The following MAPK4 variants were observed in gnomAD, a reference collection of about 807,000 sequenced individuals.
The protein encoded by MAPK4 is Erk3-related.
Under a neutral mutation model 47.7 loss-of-function variants are expected in MAPK4, and 22 were observed. The observed-to-expected ratio is 0.46, with a 90% CI of 0.33 to 0.66. MAPK4 has a LOEUF of 0.66. Ranked by LOEUF, MAPK4 falls within the 30% of genes least tolerant of loss-of-function variation. The probability of loss-of-function intolerance (pLI) is 0.02; values close to 1 mark genes in which losing one functional copy is unlikely to be tolerated. For synonymous variants in MAPK4, 390 were observed against 365.7 expected, an observed-to-expected ratio of 1.07 and a Z score of -0.76; for missense variants, 736 against 831.7, an observed-to-expected ratio of 0.88 and a Z score of 1.42.
At chr18:50,586,842 A>T (rs976452045) in intron 1 of MAPK4, among the ~76,000 whole-genome samples, 1 of 152,194 alleles carries the variant, frequency 6.6e-6, no homozygotes, top group Admixed American at 6.5e-5. Flanking sequence ...TATTAAAGAC[A>T]TTCTTCAATT....
intron 1 of MAPK4, among the ~76,000 whole-genome samples, chr18:50,655,556 T>C (rs2043100345): frequency 6.6e-6 from 1 of 152,124 alleles, no homozygotes; most frequent in Admixed American, 6.5e-5. Context: ...CCTGCACTCC[T>C]CTGGGGTGGA....
At chr18:50,710,515 C>G (rs1308662498) in intron 2 of MAPK4, among the ~76,000 whole-genome samples, 9 of 151,208 alleles carry the variant, frequency 6.0e-5, no homozygotes, top group African/African-American at 1.9e-4. Context: ...CGGAGGCTCA[C>G]GCCTGTAATC....
chr18:50,686,817 G>T (rs1412873904), intron 2 of MAPK4, among the ~76,000 whole-genome samples: 1 of 152,192 alleles, frequency 6.6e-6, no homozygotes, highest in Non-Finnish European at 1.5e-5. Context: ...TTAGACAGAG[G>T]TCACAGATTC....
At chr18:50,673,733 G>A (rs1028308279) in intron 2 of MAPK4, among the ~76,000 whole-genome samples, 1 of 152,122 alleles carries the variant, frequency 6.6e-6, no homozygotes, top group Non-Finnish European at 1.5e-5. Flanking sequence ...GCGGGCGCCT[G>A]TAGTCCCAGC....
At chr18:50,712,268 CAT>C (rs1401369927) in intron 2 of MAPK4, among the ~76,000 whole-genome samples, 1 of 152,032 alleles carries the variant, frequency 6.6e-6, no homozygotes, top group African/African-American at 2.4e-5. Flanking sequence ...CTCTACAAAA[CAT>C]ACAAAAATTA....
At chr18:50,577,450 A>G (rs920283232) in intron 1 of MAPK4, among the ~76,000 whole-genome samples, 5 of 152,106 alleles carry the variant, frequency 3.3e-5, no homozygotes, top group African/African-American at 1.2e-4. Flanking sequence ...TCTGGGTCTC[A>G]CTCCAGAGAC....
At chr18:50,676,350 A>T (rs1568076053) in intron 2 of MAPK4, among the ~76,000 whole-genome samples, 1 of 152,246 alleles carries the variant, frequency 6.6e-6, no homozygotes, top group Non-Finnish European at 1.5e-5. Flanking sequence ...AGGCCTAGCC[A>T]CTAGACACGC....
intron 2 of MAPK4, among the ~76,000 whole-genome samples, chr18:50,690,986 G>A (rs896071247): frequency 6.6e-6 from 1 of 151,994 alleles, no homozygotes; most frequent in Admixed American, 6.6e-5. Flanking sequence ...TTCATGCTCA[G>A]TTGAAATTTG....
chr18:50,630,334 G>A (rs780058060), intron 1 of MAPK4, among the ~76,000 whole-genome samples: 22 of 152,114 alleles, frequency 1.4e-4, no homozygotes, highest in Non-Finnish European at 2.8e-4. Flanking sequence ...GATTACAGGC[G>A]TGCACCACCA....
rs776043727 is a variant in MAPK4 at position 50,663,742 on chromosome 18, G to A, written c.-217G>A. On this transcript the variant is annotated 5_prime_UTR_variant, in exon 2 of 6. Coordinates refer to ENST00000400384, the MANE Select transcript of MAPK4 (RefSeq NM_002747.4). ...CAGCCCTCCCAATGCAGGTTAAGAC[G>A]ACAGCCTGCGCCCCCAACTAGCACA... 5 of 480,100 alleles carry A rather than the reference G, an allele frequency of 1.0e-5. No individual in the cohort carries two copies. The highest frequency in any genetic ancestry group is 5.5e-4 in the Middle Eastern group (1 of 1,816). The allele number at this position is 480,100 out of a possible 1,614,324, so 29.7% of individuals were successfully genotyped here.
At chr18:50,624,124 G>A (rs894186889) in intron 1 of MAPK4, among the ~76,000 whole-genome samples, 1 of 152,102 alleles carries the variant, frequency 6.6e-6, no homozygotes, top group Non-Finnish European at 1.5e-5. Context: ...CTTGGTATTT[G>A]TCTTCTCTCA....
intron 1 of MAPK4, among the ~76,000 whole-genome samples, chr18:50,600,407 G>T (rs766083357): frequency 3.3e-5 from 5 of 152,304 alleles, no homozygotes; most frequent in Non-Finnish European, 5.9e-5. Context: ...TTCATGATTA[G>T]CCTCAGAAGG....
At chr18:50,587,509 A>G (rs2042399158) in intron 1 of MAPK4, among the ~76,000 whole-genome samples, 1 of 152,180 alleles carries the variant, frequency 6.6e-6, no homozygotes, top group African/African-American at 2.4e-5. Flanking sequence ...GGTGACTCAA[A>G]AGGGCAAGAG....
chr18:50,654,403 C>T (rs1043432771), intron 1 of MAPK4, among the ~76,000 whole-genome samples: 3 of 152,232 alleles, frequency 2.0e-5, no homozygotes, highest in Non-Finnish European at 4.4e-5. Context: ...CTCTGCCTCT[C>T]CTCTGAGAAG....
rs540838908 is a variant in MAPK4 at position 50,594,519 on chromosome 18, G to A, written c.-871+34276G>A. Among the ~76,000 whole-genome samples the A allele has an allele frequency of 3.9e-5, 6 of 152,170 alleles. No homozygotes were observed. The East Asian group carries it at 1.2e-3, about 29-fold the overall frequency. On this transcript the variant is annotated intron_variant, in intron 1 of 5. Coordinates refer to ENST00000400384, the MANE Select transcript of MAPK4 (RefSeq NM_002747.4). ...CGACAGGAAAGGCCTTTATCAGGTG[G>A]TGCTAGAAAAAAATGGATATTAATC...
chr18:50,618,557 A>C (rs1369697576), intron 1 of MAPK4, among the ~76,000 whole-genome samples: 1 of 152,184 alleles, frequency 6.6e-6, no homozygotes, highest in East Asian at 1.9e-4. Flanking sequence ...TCCAGTGACT[A>C]TTCCTGTATT....
Position 50,664,299 on chromosome 18 carries a change from G to T in MAPK4, c.341G>T (p.Arg114Leu), listed in dbSNP as rs541494122. Reference protein sequence around the residue: ...VQEYMETDLARLLEQGTLAEE... With the variant: ...VQEYMETDLALLLEQGTLAEE... ...GAGTACATGGAGACCGACCTGGCAC[G>T]CCTGCTGGAGCAGGGCACGCTGGCA... The change falls in exon 2 of 6, where the codon CGC becomes CTC. Residue 114 changes from arginine to leucine, a missense_variant. By Grantham distance (102) the Arg-to-Leu change is moderately radical. Around this residue, in one of 3 missense-constraint regions of MAPK4, gnomAD observed 327 missense variants for 395.4 expected, o/e 0.83. Coordinates refer to ENST00000400384, the MANE Select transcript of MAPK4 (RefSeq NM_002747.4). The surrounding 1 kb of genome is among the most constrained non-coding windows in gnomAD (Gnocchi z 6.0). 6.2e-7 allele frequency: 1 copy of T among 1,613,372 alleles called. No individual in the cohort carries two copies. Among genetic ancestry groups the T allele is most frequent in the South Asian group, 1.1e-5 (1 of 91,066 alleles).
At chr18:50,716,342 C>A (rs182878258) in intron 3 of MAPK4, among the ~76,000 whole-genome samples, 8 of 152,086 alleles carry the variant, frequency 5.3e-5, no homozygotes, top group Admixed American at 1.3e-4. Flanking sequence ...TTCCCTGGGT[C>A]TCCTCCTCCC....
rs151016312 is a variant in MAPK4, at chr18:50,714,786, G to A, written c.547-293G>A. Among the ~76,000 whole-genome samples the A allele has an allele frequency of 1.7e-4, 26 of 152,282 alleles. No homozygotes were observed. In the East Asian group the frequency reaches 4.8e-3, roughly 28 times the overall value. On this transcript the variant is annotated intron_variant, in intron 2 of 5. Transcript: ENST00000400384. ...ACAAGGGCAGAGTTACATCAAGGTG[G>A]GGTGGGAAATCATTTCTTCTAAAAT...
Sources: allele counts gnomAD v4.1 joint callset (sites outside exome capture counted in the v4.1 genomes callset), GRCh38; gene constraint gnomAD v4.1.1; regional missense constraint gnomAD v4.1.1; non-coding constraint Gnocchi (gnomAD v3.1); transcripts MANE v1.5; gene names NCBI Gene and HGNC (gene_info 2026-07-23, HGNC 2026-07-21).